ZNF462: variants seen among roughly 807,000 people sequenced by gnomAD.
ZNF462 encodes zinc finger protein 462, also known as zinc finger PBX1-interacting protein.
In ZNF462, 10 loss-of-function variants were observed where a neutral mutation model predicts 201.9. That is an observed-to-expected ratio of 0.05 (90% CI 0.03 to 0.08). ZNF462 has a LOEUF of 0.08. ZNF462 is among the 10% of genes least tolerant of loss of function. The pLI is 1.00. For missense variants in ZNF462, 2,523 were observed against 3,168.3 expected (o/e 0.80, Z 4.89); for synonymous variants, 1,227 against 1,193.3 (o/e 1.03, Z -0.58).
At chr9:106,877,654 G>T (rs1827895307) in intron 1 of ZNF462, among the ~76,000 whole-genome samples, 1 of 152,060 alleles carries the variant, frequency 6.6e-6, no homozygotes, top group South Asian at 2.1e-4. Flanking sequence ...TGTTGGGCTT[G>T]CAGGTGTAAG....
At chr9:106,874,909 A>G (rs922835758) in intron 1 of ZNF462, among the ~76,000 whole-genome samples, 30 of 152,340 alleles carry the variant, frequency 2.0e-4, no homozygotes, top group African/African-American at 7.0e-4. Flanking sequence ...CATCACCCAT[A>G]GGTCCTGAAA....
rs1828821316 is a variant in ZNF462, at chr9:106,896,541, TTA to T, written c.-30-26809_-30-26808del. On this transcript the variant is annotated intron_variant, in intron 1 of 12. Coordinates refer to ENST00000277225, the MANE Select transcript of ZNF462 (RefSeq NM_021224.6). ...CCATATAGCTCCAGAAGGTAATGGG[TTA>T]TATTGCTTCTAATATTTCCTGGAGT... Among the ~76,000 whole-genome samples, 9 of 152,296 alleles carry T rather than the reference TTA, an allele frequency of 5.9e-5. No homozygotes were observed. In the South Asian group the frequency reaches 1.9e-3, roughly 32 times the overall value.
intron 1 of ZNF462, among the ~76,000 whole-genome samples, chr9:106,911,485 A>G (rs1034322484): frequency 9.9e-5 from 15 of 152,180 alleles, no homozygotes; most frequent in African/African-American, 3.6e-4. Context: ...ATATGTAAAA[A>G]AAAATTACTG....
intron 1 of ZNF462, among the ~76,000 whole-genome samples, chr9:106,908,124 T>C (rs1419228315): frequency 1.3e-5 from 2 of 152,068 alleles, no homozygotes; most frequent in Admixed American, 1.3e-4. Context: ...TCTATAAACC[T>C]CCACGGGCAC....
At chr9:106,862,051 T>A (rs893795077), upstream of ZNF462, among the ~76,000 whole-genome samples, 4 of 152,124 alleles carry the variant, frequency 2.6e-5, no homozygotes, top group African/African-American at 9.7e-5. This position sits in a 1 kb window ranked among gnomAD's most constrained non-coding sequence, Gnocchi z 4.2. Context: ...AAGCTCGGAA[T>A]GATGGGCTCT....
chr9:107,003,572 A>T lies in ZNF462; in HGVS notation c.7189+146A>T. On this transcript the variant is annotated intron_variant, in intron 11 of 12. Transcript: ENST00000277225. The surrounding 1 kb of genome is among the most constrained non-coding windows in gnomAD (Gnocchi z 4.4). ...CAGAACAGACTGACTTAGAAAACAC[A>T]TCAAGAGCTGTGTCTTTGTAAACTA... is the stretch of plus-strand genomic sequence containing the variant. 9.6e-7 allele frequency: 1 copy of T among 1,040,422 alleles called. No homozygotes were observed. Among genetic ancestry groups the T allele is most frequent in the African/African-American group, 1.6e-5 (1 of 61,436 alleles). The allele number at this position is 1,040,422 out of a possible 1,614,324, so 64.4% of individuals were successfully genotyped here.
chr9:106,896,066 T>C (rs1182970190), intron 1 of ZNF462, among the ~76,000 whole-genome samples: 1 of 152,204 alleles, frequency 6.6e-6, no homozygotes, highest in African/African-American at 2.4e-5. Context: ...TTGGAAACTG[T>C]ACCATAACAA....
At position 106,872,890 on chromosome 9, in the gene ZNF462, A is replaced by G. The variant is rs867180223; in HGVS notation, c.-31+9535A>G. Among the ~76,000 whole-genome samples the G allele has an allele frequency of 3.3e-5, 5 of 152,312 alleles. No homozygotes were observed. The highest frequency in any genetic ancestry group is 7.2e-5 in the African/African-American group (3 of 41,576). On this transcript the variant is annotated intron_variant, in intron 1 of 12. Transcript: ENST00000277225. The surrounding 1 kb of genome is among the most constrained non-coding windows in gnomAD (Gnocchi z 4.5). The stretch of plus-strand genomic sequence containing the variant: ...ACTGACTCATAGTTAATACTGGACA[A>G]CGGTTTTTATTTTTTTTTAACATTT...
chr9:106,877,258 T>A (rs1198548855), intron 1 of ZNF462, among the ~76,000 whole-genome samples: 1 of 150,578 alleles, frequency 6.6e-6, no homozygotes, highest in South Asian at 2.1e-4. Flanking sequence ...GGTAAAACCA[T>A]ATAGTGATTT....
chr9:106,863,323 C>G lies in ZNF462; in HGVS notation c.-63C>G. 2.5e-6 allele frequency: 1 copy of G among 397,544 alleles called. No homozygotes were observed. The highest frequency in any genetic ancestry group is 4.4e-6 in the Non-Finnish European group (1 of 225,424). The allele number at this position is 397,544 out of a possible 1,614,324, so 24.6% of individuals were successfully genotyped here. The stretch of plus-strand genomic sequence containing the variant: ...AAGGAGGCGGTGGGGCTGGAGAACC[C>G]GAAGCACCTCCCGGCGCCGGGACGC... On this transcript the variant is annotated 5_prime_UTR_variant, in exon 1 of 13. Transcript: ENST00000277225.
chr9:106,911,385 C>G (rs540670411), intron 1 of ZNF462, among the ~76,000 whole-genome samples: 3 of 152,248 alleles, frequency 2.0e-5, no homozygotes, highest in Admixed American at 6.5e-5. Flanking sequence ...GCTCACTGTT[C>G]TAGCTGGTGG....
chr9:106,992,396 G>GGAAT (rs1828356988), intron 10 of ZNF462, among the ~76,000 whole-genome samples: 1 of 152,052 alleles, frequency 6.6e-6, no homozygotes, highest in Non-Finnish European at 1.5e-5. Context: ...ATTGCTGATT[G>GGAAT]GAATGTAAAA....
intron 7 of ZNF462, among the ~76,000 whole-genome samples, chr9:106,955,150 C>G (rs1298790438): frequency 6.6e-6 from 1 of 152,058 alleles, no homozygotes; most frequent in Non-Finnish European, 1.5e-5. Context: ...AACCTGAGAG[C>G]TCTTGAAATA....
Position 106,998,049 on chromosome 9 carries a change from C to CTT in ZNF462, c.7057-5244_7057-5243dup. On this transcript the variant is annotated intron_variant, in intron 10 of 12. Coordinates refer to ENST00000277225, the MANE Select transcript of ZNF462 (RefSeq NM_021224.6). Reference sequence around the variant, plus strand: ...AGTCCAGAAAGCCTAAAAATATTTACTTATCTGGCCCTTTACACAAAAAGT... The same window carrying CTT: ...AGTCCAGAAAGCCTAAAAATATTTACTTTTATCTGGCCCTTTACACAAAAAGT... Among the ~76,000 whole-genome samples, 7 of 152,220 alleles carry CTT rather than the reference C, an allele frequency of 4.6e-5. 1 individual carries two copies. The highest frequency in any genetic ancestry group is 4.6e-4 in the Admixed American group (7 of 15,266).
chr9:106,978,925 G>A lies in ZNF462; in HGVS notation c.6832+4652G>A. 1 of 320,998 alleles carries A rather than the reference G, an allele frequency of 3.1e-6. No individual in the cohort carries two copies. The highest frequency in any genetic ancestry group is 1.1e-4 in the East Asian group (1 of 9,426). The allele number at this position is 320,998 out of a possible 1,614,324, so 19.9% of individuals were successfully genotyped here. On this transcript the variant is annotated intron_variant, in intron 9 of 12. Transcript: ENST00000277225. This position sits in a 1 kb window ranked among gnomAD's most constrained non-coding sequence, Gnocchi z 4.1. ...TAATTGGTCCTGATGGCTTCTACCA[G>A]CTTAGCCAAAGCGCCTTTGTCTTCC...
intron 7 of ZNF462, among the ~76,000 whole-genome samples, chr9:106,959,567 G>A (rs1588118853): frequency 6.6e-6 from 1 of 152,198 alleles, no homozygotes; most frequent in East Asian, 1.9e-4. Flanking sequence ...TTCTCCACTT[G>A]ACAAATGAGG....
intron 1 of ZNF462, among the ~76,000 whole-genome samples, chr9:106,879,337 C>G (rs1206862625): frequency 9.5e-6 from 1 of 105,396 alleles, no homozygotes; most frequent in Admixed American, 1.1e-4. Flanking sequence ...TTTCCACCCC[C>G]CCCCCCACCC....
chr9:106,942,538 G>A (rs1360109654), intron 7 of ZNF462, among the ~76,000 whole-genome samples: 1 of 152,206 alleles, frequency 6.6e-6, no homozygotes, highest in Non-Finnish European at 1.5e-5. Context: ...GCAATGACAT[G>A]TAATTGCTAT....
chr9:106,971,896 A>T, intron 7 of ZNF462, 109 bp from the exon 8 acceptor site: 1 of 1,348,596 alleles, frequency 7.4e-7, no homozygotes, highest in South Asian at 1.4e-5. Flanking sequence ...TGTCAATTAT[A>T]CCTTAGTAAA....
Sources: allele counts gnomAD v4.1 joint callset (sites outside exome capture counted in the v4.1 genomes callset), GRCh38; gene constraint gnomAD v4.1.1; non-coding constraint Gnocchi (gnomAD v3.1); transcripts MANE v1.5; gene names NCBI Gene and HGNC (gene_info 2026-07-23, HGNC 2026-07-21).